TACR3: variants seen among roughly 807,000 people sequenced by gnomAD.
The protein encoded by TACR3 is neuromedin-K receptor.
A neutral mutation model predicts 35.0 loss-of-function variants in TACR3; 34 were observed. That is an observed-to-expected ratio of 0.97 (90% confidence interval 0.74 to 1.30). The LOEUF (loss-of-function observed/expected upper bound fraction) is 1.30. TACR3 is among the 50% of genes most tolerant of loss of function. The probability of loss-of-function intolerance (pLI) is 0.00; values close to 1 mark genes in which losing one functional copy is unlikely to be tolerated. For synonymous variants in TACR3, 233 were observed against 221.1 expected, an observed-to-expected ratio of 1.05 and a Z score of -0.48; for missense variants, 558 against 591.7, an observed-to-expected ratio of 0.94 and a Z score of 0.59.
intron 3 of TACR3, among the ~76,000 whole-genome samples, chr4:103,592,224 T>A (rs1723913022): frequency 1.3e-5 from 2 of 152,226 alleles, no homozygotes; most frequent in Non-Finnish European, 2.9e-5. Flanking sequence ...TCTCTTATAA[T>A]CTGATATTGG....
intron 3 of TACR3, among the ~76,000 whole-genome samples, chr4:103,649,797 G>A (rs751758639): frequency 4.6e-5 from 7 of 152,012 alleles, no homozygotes; most frequent in African/African-American, 7.3e-5. Flanking sequence ...GGAATTCTCC[G>A]TCTGAAAGGT....
intron 1 of TACR3, among the ~76,000 whole-genome samples, chr4:103,684,912 A>G (rs1050272059): frequency 6.6e-6 from 1 of 151,910 alleles, no homozygotes; most frequent in African/African-American, 2.4e-5. Context: ...TGAACCTGGG[A>G]GGTGGAGGTT....
chr4:103,705,016 C>A (rs1359717505), intron 1 of TACR3, among the ~76,000 whole-genome samples: 1 of 151,958 alleles, frequency 6.6e-6, no homozygotes, highest in Non-Finnish European at 1.5e-5. Flanking sequence ...TTTGTTAGAT[C>A]ATTTTCTTTT....
At chr4:103,684,103 T>A (rs2079664498) in intron 1 of TACR3, among the ~76,000 whole-genome samples, 1 of 149,524 alleles carries the variant, frequency 6.7e-6, no homozygotes, top group African/African-American at 2.5e-5. Context: ...AATCTACAAA[T>A]AACCTAAAAC....
At position 103,615,657 on chromosome 4, in the gene TACR3, A is replaced by G. The variant is rs145081719; in HGVS notation, c.889-23974T>C. Among the ~76,000 whole-genome samples, 745 of 152,336 alleles carry G rather than the reference A, an allele frequency of 4.9e-3. 10 individuals carry two copies. The highest frequency in any genetic ancestry group is 0.017 in the African/African-American group (726 of 41,580). ...AAAAAGACTAAATGTCTTGTTCTTGATATTTGTTTTAGTTGTACTGGAAAA... is the reference window on the plus strand; with the variant it reads ...AAAAAGACTAAATGTCTTGTTCTTGGTATTTGTTTTAGTTGTACTGGAAAA... On this transcript the variant is annotated intron_variant, in intron 3 of 4. Transcript: ENST00000304883.
At chr4:103,599,444 A>G (rs992381061) in intron 3 of TACR3, among the ~76,000 whole-genome samples, 1 of 152,150 alleles carries the variant, frequency 6.6e-6, no homozygotes, top group Non-Finnish European at 1.5e-5. Context: ...AATACCCTTT[A>G]TTCCCTTCTC....
Position 103,587,622 on chromosome 4 carries a change from T to G in TACR3, c.*2060A>C, listed in dbSNP as rs1723794393. 6.6e-6 allele frequency: 1 copy of G among 151,756 alleles called. No individual in the cohort carries two copies. The highest frequency in any genetic ancestry group is 2.1e-4 in the South Asian group (1 of 4,834). The allele number at this position is 151,756 out of a possible 1,614,324, so 9.4% of individuals were successfully genotyped here. ...TGACATTAAATTTGAGGGCTAAACT[T>G]CATATTCATATTTTACAGCTGAATA... On this transcript the variant is annotated 3_prime_UTR_variant, in exon 5 of 5. Coordinates refer to ENST00000304883, the MANE Select transcript of TACR3 (RefSeq NM_001059.3).
chr4:103,632,985 T>A (rs1338782345), intron 3 of TACR3, among the ~76,000 whole-genome samples: 2 of 151,770 alleles, frequency 1.3e-5, no homozygotes, highest in African/African-American at 4.8e-5. Context: ...GTACATATTG[T>A]AAAAAAAAGA....
chr4:103,651,327 C>T (rs543968229), intron 3 of TACR3, among the ~76,000 whole-genome samples: 92 of 151,596 alleles, frequency 6.1e-4, no homozygotes, highest in African/African-American at 2.1e-3. Context: ...TCCCCTCTTC[C>T]GTCTTCATTT....
rs1723785205 is a variant in TACR3 at position 103,587,197 on chromosome 4, G to A, written c.*2485C>T. 1 of 151,540 alleles carries A rather than the reference G, an allele frequency of 6.6e-6. No homozygotes were observed. The highest frequency in any genetic ancestry group is 2.4e-5 in the African/African-American group (1 of 40,998). 9.4% of individuals were successfully genotyped at this position (151,540 alleles called of 1,614,324 possible). A position where few individuals can be genotyped will look rare whatever the true frequency, so the allele number is the denominator to read the frequency against. On this transcript the variant is annotated 3_prime_UTR_variant, in exon 5 of 5. Transcript: ENST00000304883. The stretch of plus-strand genomic sequence containing the variant: ...TGAATTTGATTTTGTGCATTATTCT[G>A]TAATTCTTATTGTCAAAATGCAGAC...
Position 103,719,595 on chromosome 4 carries a change from C to T in TACR3, c.81G>A (p.Ser27=). 1 of 1,611,722 alleles carries T rather than the reference C, an allele frequency of 6.2e-7. No homozygotes were observed. The highest frequency in any genetic ancestry group is 8.5e-7 in the Non-Finnish European group (1 of 1,178,374). The change falls in exon 1 of 5, where the codon TCG becomes TCA. Residue 27 remains serine (S), a synonymous_variant. Transcript: ENST00000304883. ...VGADAVNLTA[S]LAAGAATGAV... The stretch of plus-strand genomic sequence containing the variant: ...CCCCCGTGGCCGCCCCGGCAGCTAG[C>T]GAGGCGGTCAGGTTCACGGCGTCTG...
At chr4:103,604,525 C>T (rs973860679) in intron 3 of TACR3, among the ~76,000 whole-genome samples, 10 of 151,994 alleles carry the variant, frequency 6.6e-5, no homozygotes, top group Admixed American at 6.5e-4. Flanking sequence ...GCAACAAAAG[C>T]CAAAATTGAC....
At chr4:103,650,648 A>T (rs2110325704) in intron 3 of TACR3, among the ~76,000 whole-genome samples, 2 of 54,994 alleles carry the variant, frequency 3.6e-5, no homozygotes, top group Non-Finnish European at 2.9e-5. Context: ...TATATTTAAT[A>T]TATATAAATA....
chr4:103,688,693 A>T (rs1313054015), intron 1 of TACR3, among the ~76,000 whole-genome samples: 4 of 151,400 alleles, frequency 2.6e-5, no homozygotes, highest in Non-Finnish European at 4.4e-5. Flanking sequence ...TCAAAACCAC[A>T]ATGAGATATC....
intron 1 of TACR3, among the ~76,000 whole-genome samples, chr4:103,702,792 A>G (rs1428465846): frequency 6.6e-6 from 1 of 151,384 alleles, no homozygotes; most frequent in Non-Finnish European, 1.5e-5. Flanking sequence ...TCAGCAAACT[A>G]TCACAAGGAC....
chr4:103,701,388 T>G (rs908095071), intron 1 of TACR3, among the ~76,000 whole-genome samples: 39 of 150,762 alleles, frequency 2.6e-4, no homozygotes, highest in African/African-American at 5.9e-4. Context: ...CACTGCTCAA[T>G]GAAATAAAAG....
At chr4:103,640,425 A>G (rs565095139) in intron 3 of TACR3, among the ~76,000 whole-genome samples, 2 of 127,032 alleles carry the variant, frequency 1.6e-5, no homozygotes, top group Admixed American at 7.4e-5. Context: ...AGTGATGTAG[A>G]GAGTTTTTTT....
At chr4:103,607,712 G>T (rs1724414136) in intron 3 of TACR3, among the ~76,000 whole-genome samples, 1 of 152,064 alleles carries the variant, frequency 6.6e-6, no homozygotes, top group South Asian at 2.1e-4. Context: ...GGGAATGAAT[G>T]AAATTACTCA....
intron 1 of TACR3, among the ~76,000 whole-genome samples, chr4:103,680,548 C>A (rs1722032295): frequency 6.7e-6 from 1 of 148,758 alleles, no homozygotes; most frequent in Non-Finnish European, 1.5e-5. Flanking sequence ...TATATATACA[C>A]ATATATATAT....
Sources: gnomAD v4.1 joint callset for allele counts (sites outside exome capture counted in the v4.1 genomes callset) on GRCh38, gnomAD v4.1.1 for gene constraint, MANE v1.5 for transcripts, NCBI Gene and HGNC (gene_info 2026-07-23, HGNC 2026-07-21) for gene names.